Variants in DACH1 observed in about 807,000 individuals in gnomAD.
The protein encoded by DACH1 is dachshund family transcription factor 1.
Under a neutral mutation model 54.2 loss-of-function variants are expected in DACH1, and 12 were observed. That is an observed-to-expected ratio of 0.22 (90% CI 0.14 to 0.36). DACH1 has a LOEUF of 0.36. DACH1 is among the 10% of genes least tolerant of loss of function. DACH1 has a pLI of 1.00. For synonymous variants in DACH1, 386 were observed against 366.2 expected (o/e 1.05, Z -0.62); for missense variants, 805 against 929.8 (o/e 0.87, Z 1.75).
At chr13:71,571,843 C>G (rs912476717) in intron 4 of DACH1, among the ~76,000 whole-genome samples, 2 of 149,662 alleles carry the variant, frequency 1.3e-5, no homozygotes, top group Admixed American at 6.7e-5. Flanking sequence ...TCACGCCATT[C>G]TCCTGCCTCA....
chr13:71,729,742 G>A (rs1376570662), intron 1 of DACH1, among the ~76,000 whole-genome samples: 1 of 151,970 alleles, frequency 6.6e-6, no homozygotes, highest in East Asian at 1.9e-4. Context: ...TCTCTCCAGA[G>A]GAAGAATATT....
chr13:71,813,074 T>G (rs143403757), intron 1 of DACH1, among the ~76,000 whole-genome samples: 6 of 152,200 alleles, frequency 3.9e-5, no homozygotes, highest in Admixed American at 2.0e-4. Flanking sequence ...CTTAAACATA[T>G]TAACAATGGT....
intron 6 of DACH1, among the ~76,000 whole-genome samples, chr13:71,526,791 A>C (rs1010186428): frequency 3.3e-5 from 5 of 151,474 alleles, no homozygotes; most frequent in Admixed American, 6.6e-5. Context: ...ACTGTTATGT[A>C]AGAGCAAGGT....
Position 71,866,689 on chromosome 13 carries a change from A to G in DACH1, c.81T>C (p.Ser27=). The change falls in exon 1 of 11, where the codon TCT becomes TCC. Residue 27 remains serine, a synonymous_variant. Coordinates refer to ENST00000613252, the MANE Select transcript of DACH1 (RefSeq NM_080759.6). ...QPPISTSASS[S]GTTTSTSSAT... ...CCGAAGAGGTGGAGGTGGTGGTGCC[A>G]GAGGAGGAAGCAGACGTGGAGATTG... 1 of 1,459,160 alleles carries G rather than the reference A, an allele frequency of 6.9e-7. No homozygotes were observed. The highest frequency in any genetic ancestry group is 1.5e-5 in the South Asian group (1 of 65,414). The allele number at this position is 1,459,160 out of a possible 1,614,324, so 90.4% of individuals were successfully genotyped here.
intron 2 of DACH1, among the ~76,000 whole-genome samples, chr13:71,669,861 A>G (rs1880105103): frequency 6.6e-6 from 1 of 152,178 alleles, no homozygotes; most frequent in South Asian, 2.1e-4. Flanking sequence ...AGTGTTACTC[A>G]ATGTCACACA....
chr13:71,681,726 G>A (rs1354393771), intron 2 of DACH1, 69 bp downstream of exon 2: 1 of 1,075,122 alleles, frequency 9.3e-7, no homozygotes, highest in Non-Finnish European at 1.4e-6. Flanking sequence ...TGTCACCACA[G>A]ATATATATAA....
intron 1 of DACH1, among the ~76,000 whole-genome samples, chr13:71,710,472 GTGTGTGTGTGTGTGTGTGTGTTTA>G (rs1269877459): frequency 6.7e-6 from 1 of 150,240 alleles, no homozygotes; most frequent in Non-Finnish European, 1.5e-5. Context: ...GTGTGTGTGT[GTGTGTGTGTGTGTGTGTGTGTTTA>G]TGTGTGTGTG....
intron 6 of DACH1, among the ~76,000 whole-genome samples, chr13:71,517,880 A>G (rs1270854805): frequency 2.0e-5 from 3 of 151,926 alleles, no homozygotes; most frequent in East Asian, 1.9e-4. Flanking sequence ...AATTAGTCCA[A>G]CCAAAATTCA....
chr13:71,501,937 A>C (rs1879951763), intron 6 of DACH1, among the ~76,000 whole-genome samples: 1 of 152,150 alleles, frequency 6.6e-6, no homozygotes, highest in African/African-American at 2.4e-5. Context: ...GAAGTTAATT[A>C]ACTTGCCAAT....
chr13:71,581,659 T>C (rs1177056233), intron 3 of DACH1, among the ~76,000 whole-genome samples: 2 of 152,124 alleles, frequency 1.3e-5, no homozygotes, highest in Admixed American at 1.3e-4. Flanking sequence ...TATTGAGATA[T>C]AAATGGAGAT....
intron 1 of DACH1, among the ~76,000 whole-genome samples, chr13:71,789,436 T>C (rs2138088565): frequency 6.6e-6 from 1 of 152,252 alleles, no homozygotes; most frequent in Non-Finnish European, 1.5e-5. Context: ...TGATGGGATC[T>C]GATTTATCCC....
intron 2 of DACH1, among the ~76,000 whole-genome samples, chr13:71,653,594 A>G (rs1296560619): frequency 6.6e-6 from 1 of 152,142 alleles, no homozygotes; most frequent in Non-Finnish European, 1.5e-5. Flanking sequence ...TTTTCCTTAC[A>G]GTGCTTTTCC....
chr13:71,675,185 G>C, intron 2 of DACH1: 3 of 1,585,536 alleles, frequency 1.9e-6, no homozygotes, highest in Non-Finnish European at 1.7e-6. Flanking sequence ...AAACCTCATC[G>C]TAACAGGCCT....
At chr13:71,474,218 T>A (rs190014592) in intron 10 of DACH1, among the ~76,000 whole-genome samples, 12 of 152,248 alleles carry the variant, frequency 7.9e-5, no homozygotes, top group Admixed American at 4.6e-4. Context: ...TTCTTGCACA[T>A]ATGATAGTTT....
intron 1 of DACH1, among the ~76,000 whole-genome samples, chr13:71,814,183 G>T (rs951016340): frequency 2.0e-5 from 3 of 152,134 alleles, no homozygotes; most frequent in African/African-American, 7.2e-5. Flanking sequence ...GTCCAAATGG[G>T]CAGTTTTTAA....
intron 1 of DACH1, among the ~76,000 whole-genome samples, chr13:71,712,057 A>C (rs1012779115): frequency 1.3e-5 from 2 of 152,048 alleles, no homozygotes; most frequent in Non-Finnish European, 2.9e-5. Context: ...GGTTCTATGT[A>C]ATCCCCCCTT....
chr13:71,529,881 G>T (rs1394634153), intron 6 of DACH1, among the ~76,000 whole-genome samples: 1 of 152,082 alleles, frequency 6.6e-6, no homozygotes, highest in Non-Finnish European at 1.5e-5. Flanking sequence ...TAGGAAAATG[G>T]CCATTAGAGT....
At chr13:71,621,531 C>G (rs1361989738) in intron 3 of DACH1, among the ~76,000 whole-genome samples, 1 of 152,018 alleles carries the variant, frequency 6.6e-6, no homozygotes, top group African/African-American at 2.4e-5. Flanking sequence ...TAAATAATAA[C>G]ATATCATTTC....
chr13:71,728,412 G>A (rs1317348757), intron 1 of DACH1, among the ~76,000 whole-genome samples: 1 of 151,880 alleles, frequency 6.6e-6, no homozygotes. Flanking sequence ...TGCTCCCGAA[G>A]AGTCTAAAGA....
Sources: gnomAD v4.1 joint callset for allele counts (sites outside exome capture counted in the v4.1 genomes callset) on GRCh38, gnomAD v4.1.1 for gene constraint, MANE v1.5 for transcripts, NCBI Gene and HGNC (gene_info 2026-07-23, HGNC 2026-07-21) for gene names.